The following PDE3A variants were observed in gnomAD, a reference collection of about 807,000 sequenced individuals.
PDE3A encodes the protein phosphodiesterase 3A, also known as cGMP-inhibited 3',5'-cyclic phosphodiesterase 3A.
PDE3A carries 43 observed loss-of-function variants against 98.3 expected under a neutral mutation model. That is an observed-to-expected ratio of 0.44 (90% CI 0.34 to 0.56). The LOEUF is 0.56. Among genes scored for constraint, PDE3A ranks in the 20% least tolerant of loss-of-function variants. The pLI, the probability that PDE3A is intolerant of heterozygous loss-of-function variation, is 0.01. For missense variants in PDE3A, 1,427 were observed against 1,440.7 expected, an observed-to-expected ratio of 0.99 and a Z score of 0.15; for synonymous variants, 663 against 567.9, an observed-to-expected ratio of 1.17 and a Z score of -2.38.
intron 13 of PDE3A, among the ~76,000 whole-genome samples, chr12:20,650,214 C>T (rs1944884061): frequency 6.6e-6 from 1 of 151,188 alleles, no homozygotes; most frequent in Admixed American, 6.6e-5. Flanking sequence ...CTCACCCTGT[C>T]ACCCATTATT....
intron 1 of PDE3A, among the ~76,000 whole-genome samples, chr12:20,422,450 G>T (rs984381077): frequency 6.6e-6 from 1 of 152,134 alleles, no homozygotes; most frequent in Admixed American, 6.6e-5. Flanking sequence ...GGTATCAGAA[G>T]AATGGAATCT....
chr12:20,592,682 C>A (rs1389538015), intron 2 of PDE3A, among the ~76,000 whole-genome samples: 1 of 152,138 alleles, frequency 6.6e-6, no homozygotes, highest in African/African-American at 2.4e-5. Context: ...TTCTTCAGTA[C>A]TCCTTTATGT....
intron 1 of PDE3A, among the ~76,000 whole-genome samples, chr12:20,528,810 A>G (rs1287666896): frequency 6.6e-6 from 1 of 151,682 alleles, no homozygotes; most frequent in African/African-American, 2.4e-5. Context: ...ACTATGATTT[A>G]TCAAAATAAG....
intron 15 of PDE3A, among the ~76,000 whole-genome samples, chr12:20,654,633 A>C (rs1214980174): frequency 6.9e-6 from 1 of 145,082 alleles, no homozygotes; most frequent in Non-Finnish European, 1.5e-5. Flanking sequence ...AGTAGCTGGG[A>C]CTACAGGTGC....
chr12:20,625,955 A>G (rs1944252024), intron 5 of PDE3A, among the ~76,000 whole-genome samples: 1 of 152,178 alleles, frequency 6.6e-6, no homozygotes, highest in African/African-American at 2.4e-5. Context: ...AAATTACTCA[A>G]ATATGAAGTG....
rs566902618 is a variant in PDE3A at position 20,479,271 on chromosome 12, G to A, written c.961-77389G>A. On this transcript the variant is annotated intron_variant, in intron 1 of 15. Coordinates refer to ENST00000359062, the MANE Select transcript of PDE3A (RefSeq NM_000921.5). ...GTACATAAGCTGTATCAAATGTAGT[G>A]TAGTCTACAAGGTAACATCAGGGCT... 3.3e-5 allele frequency among the ~76,000 whole-genome samples: 5 copies of A among 152,304 alleles called. No homozygotes were observed. In the East Asian group the frequency reaches 9.6e-4, roughly 29 times the overall value.
chr12:20,432,251 C>G (rs1050070865), intron 1 of PDE3A, among the ~76,000 whole-genome samples: 2 of 152,064 alleles, frequency 1.3e-5, no homozygotes, highest in African/African-American at 4.8e-5. Context: ...TTGTTGAATT[C>G]TTACTATGTT....
At chr12:20,496,825 T>A (rs951226319) in intron 1 of PDE3A, among the ~76,000 whole-genome samples, 4 of 152,180 alleles carry the variant, frequency 2.6e-5, no homozygotes, top group Non-Finnish European at 5.9e-5. Flanking sequence ...CAGGATTTTT[T>A]AAAATATAGG....
At chr12:20,439,718 T>G (rs2120837100) in intron 1 of PDE3A, among the ~76,000 whole-genome samples, 1 of 152,280 alleles carries the variant, frequency 6.6e-6, no homozygotes, top group Non-Finnish European at 1.5e-5. Context: ...AAAGTACAAG[T>G]TTATTATATT....
At chr12:20,393,651 G>A (rs556595345) in intron 1 of PDE3A, among the ~76,000 whole-genome samples, 1 of 152,008 alleles carries the variant, frequency 6.6e-6, no homozygotes, top group East Asian at 1.9e-4. Context: ...AAAAAGTAAA[G>A]AAAAACAAAA....
intron 15 of PDE3A, among the ~76,000 whole-genome samples, chr12:20,668,830 C>A (rs564694170): frequency 6.6e-6 from 1 of 151,654 alleles, no homozygotes; most frequent in Non-Finnish European, 1.5e-5. Flanking sequence ...TCACCAGCAA[C>A]GGAACAAAGC....
chr12:20,657,443 T>G (rs7300295), intron 15 of PDE3A, among the ~76,000 whole-genome samples: 2,979 of 152,322 alleles, frequency 0.02, 82 homozygotes, highest in African/African-American at 0.067. Context: ...CACAGATAAC[T>G]TCTGTAGTTT....
At chr12:20,672,100 G>T (rs573463826) in intron 15 of PDE3A, among the ~76,000 whole-genome samples, 1,651 of 151,574 alleles carry the variant, frequency 0.011, 17 homozygotes, top group Non-Finnish European at 0.019. Context: ...ATTCACAATT[G>T]CTTCAAAGAG....
chr12:20,416,324 G>A (rs1217148627), intron 1 of PDE3A, among the ~76,000 whole-genome samples: 3 of 152,134 alleles, frequency 2.0e-5, no homozygotes, highest in Non-Finnish European at 4.4e-5. Flanking sequence ...ACTACCGTTA[G>A]GTTGTTTTCC....
At chr12:20,674,168 G>A (rs191232510) in intron 15 of PDE3A, among the ~76,000 whole-genome samples, 76 of 152,116 alleles carry the variant, frequency 5.0e-4, no homozygotes, top group African/African-American at 1.6e-3. Flanking sequence ...ATTGATTTTT[G>A]TATCCTGCAA....
chr12:20,514,445 T>C (rs989921218), intron 1 of PDE3A, among the ~76,000 whole-genome samples: 4 of 152,212 alleles, frequency 2.6e-5, no homozygotes, highest in African/African-American at 9.6e-5. Flanking sequence ...AAGTAAAGCA[T>C]GATTGATAAC....
At chr12:20,473,860 C>T (rs1023998220) in intron 1 of PDE3A, among the ~76,000 whole-genome samples, 6 of 152,018 alleles carry the variant, frequency 3.9e-5, no homozygotes, top group African/African-American at 1.5e-4. Context: ...TACGAAGGTC[C>T]TATAACATTG....
intron 1 of PDE3A, among the ~76,000 whole-genome samples, chr12:20,442,352 T>A (rs1394282710): frequency 1.3e-5 from 2 of 152,166 alleles, no homozygotes; most frequent in African/African-American, 4.8e-5. Flanking sequence ...ATTTCCCTCA[T>A]GTTTGTGTAG....
At chr12:20,530,762 G>A (rs1219983488) in intron 1 of PDE3A, among the ~76,000 whole-genome samples, 1 of 152,016 alleles carries the variant, frequency 6.6e-6, no homozygotes, top group Non-Finnish European at 1.5e-5. Flanking sequence ...AATGGAACAA[G>A]GATCATTCAA....
Sources: gnomAD v4.1 joint callset for allele counts (sites outside exome capture counted in the v4.1 genomes callset) on GRCh38, gnomAD v4.1.1 for gene constraint, MANE v1.5 for transcripts, NCBI Gene and HGNC (gene_info 2026-07-23, HGNC 2026-07-21) for gene names.